KLHL29: variants seen among roughly 807,000 people sequenced by gnomAD.
KLHL29 encodes kelch-like protein 29.
In KLHL29, 21 loss-of-function variants were observed where a neutral mutation model predicts 80.4. That is an observed-to-expected ratio of 0.26 (90% confidence interval 0.19 to 0.38). The LOEUF (loss-of-function observed/expected upper bound fraction) is 0.38. Ranked by LOEUF, KLHL29 falls within the 10% of genes least tolerant of loss-of-function variation. The probability of loss-of-function intolerance (pLI) is 1.00; values close to 1 mark genes in which losing one functional copy is unlikely to be tolerated. For synonymous variants in KLHL29, 511 were observed against 526.8 expected (o/e 0.97, Z 0.41); for missense variants, 867 against 1,223.9 (o/e 0.71, Z 4.35).
chr2:23,708,208 T>C lies in KLHL29; in HGVS notation c.*1544T>C, dbSNP rs1672842975. ...TAGCACTACGAGTGTGGCTCCCACT[T>C]GGACAAGATACCGAGCTTCGTTATG... On this transcript the variant is annotated 3_prime_UTR_variant, in exon 14 of 14. Transcript: ENST00000486442. The C allele has an allele frequency of 6.6e-6, 1 of 152,266 alleles. No homozygotes were observed. Among genetic ancestry groups the C allele is most frequent in the African/African-American group, 2.4e-5 (1 of 41,472 alleles). 9.4% of individuals were successfully genotyped at this position (152,266 alleles called of 1,614,324 possible).
At chr2:23,642,898 C>A (rs1487169204) in intron 5 of KLHL29, 48 bp downstream of exon 5, 18 of 1,547,080 alleles carry the variant, frequency 1.2e-5, no homozygotes, top group Non-Finnish European at 1.6e-5. Flanking sequence ...GTCTGCACCT[C>A]CCTGCGCGGT....
At chr2:23,517,497 C>T (rs1394814237) in intron 2 of KLHL29, among the ~76,000 whole-genome samples, 1 of 152,208 alleles carries the variant, frequency 6.6e-6, no homozygotes, top group Non-Finnish European at 1.5e-5. Context: ...GAGCCGAGAT[C>T]GTGCCACTGC....
chr2:23,544,926 G>A (rs1009959477), intron 2 of KLHL29, among the ~76,000 whole-genome samples: 6 of 152,192 alleles, frequency 3.9e-5, no homozygotes, highest in East Asian at 3.9e-4. Flanking sequence ...CTTTTTCTTA[G>A]GGTAGGATGG....
intron 2 of KLHL29, among the ~76,000 whole-genome samples, chr2:23,495,702 G>A (rs774956151): frequency 6.6e-6 from 1 of 152,166 alleles, no homozygotes; most frequent in African/African-American, 2.4e-5. Context: ...TCCTGGCATC[G>A]TGTCAGGGCC....
In KLHL29 at chr2:23,670,913, ACG is replaced by A. The variant is rs796301580; in HGVS notation, c.941-13482_941-13481del. Reference sequence around the variant, plus strand: ...AAGGGAGGGGTCTCTACACACATGCACGCGCTCTCTCTCTCTCTCTCTCTCTC... The same window carrying A: ...AAGGGAGGGGTCTCTACACACATGCACGCTCTCTCTCTCTCTCTCTCTCTC... On this transcript the variant is annotated intron_variant, in intron 5 of 13. Coordinates refer to ENST00000486442, the MANE Select transcript of KLHL29 (RefSeq NM_052920.2). Among the ~76,000 whole-genome samples the A allele has an allele frequency of 9.7e-4, 15 of 15,422 alleles. 1 individual carries two copies. The highest frequency in any genetic ancestry group is 0.015 in the South Asian group (2 of 130). The allele number at this position is 15,422 out of a possible 152,430, so 10.1% of individuals were successfully genotyped here. A position where few individuals can be genotyped will look rare whatever the true frequency, so the allele number is the denominator to read the frequency against.
chr2:23,405,078 A>G (rs1213156421), intron 1 of KLHL29, among the ~76,000 whole-genome samples: 1 of 152,226 alleles, frequency 6.6e-6, no homozygotes, highest in African/African-American at 2.4e-5. Flanking sequence ...CTGGAGTATG[A>G]TTTAGATAAT....
intron 1 of KLHL29, among the ~76,000 whole-genome samples, chr2:23,424,830 A>G (rs1662962841): frequency 6.6e-6 from 1 of 152,258 alleles, no homozygotes; most frequent in South Asian, 2.1e-4. Context: ...TAACATTTGA[A>G]CATTACTAAA....
At position 23,691,662 on chromosome 2, in the gene KLHL29, C is replaced by T; in HGVS notation, c.1080-12C>T. 2 of 1,551,360 alleles carry T rather than the reference C, an allele frequency of 1.3e-6. No homozygotes were observed. The highest frequency in any genetic ancestry group is 1.7e-6 in the Non-Finnish European group (2 of 1,146,826). ...GGGCAGGAGGTAAGGACACCCTGGT[C>T]TCTGTGCCTAGGTCCGTGCAAGACA... is the stretch of plus-strand genomic sequence containing the variant. On this transcript the variant is annotated splice_polypyrimidine_tract_variant and intron_variant, in intron 6 of 13. Transcript: ENST00000486442.
Position 23,696,594 on chromosome 2 carries a change from C to T in KLHL29, c.2105+81C>T, listed in dbSNP as rs2149214024. 4.3e-6 allele frequency: 5 copies of T among 1,150,262 alleles called. No homozygotes were observed. Among genetic ancestry groups the T allele is most frequent in the Non-Finnish European group, 6.1e-6 (5 of 820,854 alleles). 71.3% of individuals were successfully genotyped at this position (1,150,262 alleles called of 1,614,324 possible). ...TCACGTCACTCACTGTACCTCCCAA[C>T]ACCCACTCAGTGGCGATGGAGCAGA... On this transcript the variant is annotated intron_variant, in intron 11 of 13. Transcript: ENST00000486442. This position sits in a 1 kb window ranked among gnomAD's most constrained non-coding sequence, Gnocchi z 5.5.
At chr2:23,691,970 T>G (rs1671640425) in intron 7 of KLHL29, 94 bp downstream of exon 7, 2 of 1,244,896 alleles carry the variant, frequency 1.6e-6, no homozygotes, top group South Asian at 2.7e-5. Context: ...GAGGTCTGTG[T>G]GTGCACACCT....
At chr2:23,545,508 G>T (rs866678490) in intron 2 of KLHL29, among the ~76,000 whole-genome samples, 12 of 152,250 alleles carry the variant, frequency 7.9e-5, no homozygotes, top group Middle Eastern at 6.8e-3. Context: ...TCGGGGTGGG[G>T]TGTCCCCAGG....
chr2:23,521,474 G>A (rs1666100791), intron 2 of KLHL29, among the ~76,000 whole-genome samples: 1 of 152,210 alleles, frequency 6.6e-6, no homozygotes, highest in Admixed American at 6.5e-5. Context: ...AGCTGCAGGT[G>A]CAGCCTGTCC....
At chr2:23,487,678 C>T (rs769941377) in intron 2 of KLHL29, among the ~76,000 whole-genome samples, 2 of 152,170 alleles carry the variant, frequency 1.3e-5, no homozygotes, top group Non-Finnish European at 2.9e-5. Context: ...TGCTAAAAGG[C>T]TGCATTCTTT....
intron 2 of KLHL29, among the ~76,000 whole-genome samples, chr2:23,529,802 C>G (rs1666437488): frequency 6.6e-6 from 1 of 152,154 alleles, no homozygotes; most frequent in African/African-American, 2.4e-5. Flanking sequence ...CGCCACCCGT[C>G]CTGAGACAGC....
intron 5 of KLHL29, among the ~76,000 whole-genome samples, chr2:23,657,608 AT>A (rs1670282111): frequency 6.6e-6 from 1 of 152,236 alleles, no homozygotes; most frequent in African/African-American, 2.4e-5. Context: ...TGGAAGGAAG[AT>A]TAACCATGTG....
chr2:23,411,218 G>A (rs1304799576), intron 1 of KLHL29, among the ~76,000 whole-genome samples: 1 of 152,136 alleles, frequency 6.6e-6, no homozygotes, highest in African/African-American at 2.4e-5. Context: ...GCAGTTCAAG[G>A]GAGTGAGAGA....
At chr2:23,444,524 C>T (rs961159498) in intron 1 of KLHL29, among the ~76,000 whole-genome samples, 3 of 152,066 alleles carry the variant, frequency 2.0e-5, no homozygotes, top group African/African-American at 7.2e-5. Context: ...TGGGGTTTCA[C>T]GATGTTGACC....
intron 3 of KLHL29, among the ~76,000 whole-genome samples, chr2:23,590,590 G>C (rs1668233844): frequency 6.6e-6 from 1 of 152,092 alleles, no homozygotes; most frequent in African/African-American, 2.4e-5. Context: ...ACCTGTGCGA[G>C]GTCCTGAGCA....
At chr2:23,466,489 A>G (rs1347016923) in intron 1 of KLHL29, among the ~76,000 whole-genome samples, 1 of 152,242 alleles carries the variant, frequency 6.6e-6, no homozygotes, top group African/African-American at 2.4e-5. Context: ...AGTCCCACAT[A>G]TAAAAGAAGA....
Sources: gnomAD v4.1 joint callset for allele counts (sites outside exome capture counted in the v4.1 genomes callset) on GRCh38, gnomAD v4.1.1 for gene constraint, Gnocchi (gnomAD v3.1) non-coding constraint, MANE v1.5 for transcripts, NCBI Gene and HGNC (gene_info 2026-07-23, HGNC 2026-07-21) for gene names.